The following PHLDB2 variants were observed in gnomAD, a reference collection of about 807,000 sequenced individuals.
The protein encoded by PHLDB2 is pleckstrin homology like domain family B member 2, also known as pleckstrin homology-like domain family B member 2.
A neutral mutation model predicts 123.6 loss-of-function variants in PHLDB2; 71 were observed. The ratio of observed to expected loss-of-function variants is 0.57; its 90% CI spans 0.47 to 0.70. The LOEUF is 0.70. Ranked by LOEUF, PHLDB2 falls within the 30% of genes least tolerant of loss-of-function variation. The pLI is 0.00. For synonymous variants in PHLDB2, 547 were observed against 541.6 expected (o/e 1.01, Z -0.14); for missense variants, 1,446 against 1,519.5 (o/e 0.95, Z 0.80).
In PHLDB2 at chr3:111,831,014, AAAG is replaced by A. The variant is rs564603688; in HGVS notation, c.-48-14804_-48-14802del. ...GAAAGAAAGAAAGAAAGAAAGAAAG[AAAG>A]AAAGAAAGAAAGAAAGGAAGGAAGG... On this transcript the variant is annotated intron_variant, in intron 1 of 17. Coordinates refer to the PHLDB2 transcript ENST00000393923. 3.0e-5 allele frequency among the ~76,000 whole-genome samples: 3 copies of A among 101,424 alleles called. 1 individual carries two copies. The highest frequency in any genetic ancestry group is 5.9e-5 in the Non-Finnish European group (3 of 50,442). 66.5% of individuals were successfully genotyped at this position (101,424 alleles called of 152,430 possible).
At chr3:111,892,166 C>T (rs775708735) in intron 2 of PHLDB2, among the ~76,000 whole-genome samples, 3 of 152,108 alleles carry the variant, frequency 2.0e-5, no homozygotes, top group African/African-American at 4.8e-5. Context: ...TACACACATA[C>T]GAATTTTTTC....
intron 1 of PHLDB2, among the ~76,000 whole-genome samples, chr3:111,811,338 A>C (rs545477264): frequency 6.6e-6 from 1 of 152,256 alleles, no homozygotes; most frequent in South Asian, 2.1e-4. Flanking sequence ...CATTTTAAAA[A>C]ATGTATTCTA....
At chr3:111,970,415 A>G (rs1559929234) in intron 16 of PHLDB2, among the ~76,000 whole-genome samples, 1 of 152,228 alleles carries the variant, frequency 6.6e-6, no homozygotes, top group Non-Finnish European at 1.5e-5. Context: ...ATTGATTGTC[A>G]TACGTCCCAT....
chr3:111,806,705 T>G (rs9880495), intron 1 of PHLDB2, among the ~76,000 whole-genome samples: 2 of 151,980 alleles, frequency 1.3e-5, no homozygotes, highest in Non-Finnish European at 2.9e-5. Flanking sequence ...AGGCTGGTCT[T>G]GAACTCCTGA....
At chr3:111,968,564 T>A (rs1323299533) in intron 15 of PHLDB2, among the ~76,000 whole-genome samples, 1 of 152,224 alleles carries the variant, frequency 6.6e-6, no homozygotes, top group African/African-American at 2.4e-5. Context: ...GAACTCTATT[T>A]TATCAAGATT....
rs1368088646 is a variant in PHLDB2, at chr3:111,904,276, T to TTAAAAAAAAAAA, written c.1336-9043_1336-9042insTAAAAAAAAAAA. Among the ~76,000 whole-genome samples the TTAAAAAAAAAAA allele has an allele frequency of 1.6e-3, 18 of 11,044 alleles. 1 individual carries two copies. The highest frequency in any genetic ancestry group is 2.7e-3 in the African/African-American group (16 of 5,998). The allele number at this position is 11,044 out of a possible 152,430, so 7.2% of individuals were successfully genotyped here. A position where few individuals can be genotyped will look rare whatever the true frequency, so the allele number is the denominator to read the frequency against. On this transcript the variant is annotated intron_variant, in intron 2 of 17. Transcript: ENST00000431670. ...CTGGGTGACAGAGTGAGACCCTGTC[T>TTAAAAAAAAAAA]CAAAAAAAAAAAAGGCCAAGGGTTC... is the stretch of plus-strand genomic sequence containing the variant.
intron 12 of PHLDB2, among the ~76,000 whole-genome samples, chr3:111,955,349 GT>G (rs1411242552): frequency 3.9e-5 from 6 of 151,908 alleles, no homozygotes; most frequent in Admixed American, 6.6e-5. Context: ...TTCTTTTGAT[GT>G]TTATAAATAA....
intron 15 of PHLDB2, among the ~76,000 whole-genome samples, chr3:111,968,701 A>G (rs2054410178): frequency 6.6e-6 from 1 of 152,222 alleles, no homozygotes; most frequent in South Asian, 2.1e-4. Flanking sequence ...AGCCTGCAGC[A>G]TCTGTTACAA....
chr3:111,866,013 C>CTTTTTTTTT (rs1239058039), intron 1 of PHLDB2, among the ~76,000 whole-genome samples: 2 of 47,668 alleles, frequency 4.2e-5, no homozygotes, highest in Non-Finnish European at 8.5e-5. Flanking sequence ...CCCACCCACT[C>CTTTTTTTTT]ATTTTTTTTT....
chr3:111,738,973 T>C (rs1040555516), intron 1 of PHLDB2, among the ~76,000 whole-genome samples: 4 of 152,158 alleles, frequency 2.6e-5, no homozygotes, highest in African/African-American at 9.7e-5. Context: ...ACAGGGCAAC[T>C]CTGGGCAAGT....
At chr3:111,908,839 G>A (rs978337525) in intron 2 of PHLDB2, among the ~76,000 whole-genome samples, 2 of 150,210 alleles carry the variant, frequency 1.3e-5, no homozygotes, top group Non-Finnish European at 3.0e-5. Flanking sequence ...ATCAGGATTT[G>A]TACATGGAAT....
In PHLDB2 at chr3:111,795,390, T is replaced by C. The variant is rs564741573; in HGVS notation, c.-48-50431T>C. ...GTCCAAGACCTATGGTCCATTTGAA[T>C]GCAGTTGCTTCTGTTCTCTCTGTGG... On this transcript the variant is annotated intron_variant, in intron 1 of 17. Coordinates refer to the PHLDB2 transcript ENST00000393923. 1.5e-4 allele frequency among the ~76,000 whole-genome samples: 23 copies of C among 152,294 alleles called. No homozygotes were observed. The Middle Eastern group carries it at 0.01, about 68-fold the overall frequency.
chr3:111,829,405 TAA>T lies in PHLDB2; in HGVS notation c.-48-16402_-48-16401del, dbSNP rs71131979. ...CTGGTTCTTCCATTATTCTTTTGTT[TAA>T]AAAAAAAAAAAAAGTCCTAACATCT... On this transcript the variant is annotated intron_variant, in intron 1 of 17. Transcript: ENST00000393923. 6.4e-3 allele frequency among the ~76,000 whole-genome samples: 867 copies of T among 136,326 alleles called. 4 individuals are homozygous for T. The highest frequency in any genetic ancestry group is 9.4e-3 in the Non-Finnish European group (604 of 64,422). 89.4% of individuals were successfully genotyped at this position (136,326 alleles called of 152,430 possible).
intron 1 of PHLDB2, among the ~76,000 whole-genome samples, chr3:111,873,273 T>G (rs2065433464): frequency 6.6e-6 from 1 of 152,210 alleles, no homozygotes; most frequent in Non-Finnish European, 1.5e-5. Context: ...AGTTTCTGGT[T>G]TTTAGAAAAA....
chr3:111,854,535 T>C (rs1233133481), upstream of PHLDB2, among the ~76,000 whole-genome samples: 1 of 152,202 alleles, frequency 6.6e-6, no homozygotes, highest in Non-Finnish European at 1.5e-5. Flanking sequence ...AAAGATTTGT[T>C]AGGCTATCAT....
At chr3:111,966,577 A>G in intron 13 of PHLDB2, 36 bp from the exon 14 acceptor site, 1 of 1,498,388 alleles carries the variant, frequency 6.7e-7, no homozygotes, top group African/African-American at 1.4e-5. Context: ...CTCAGTCTAA[A>G]CCAATATTCT....
chr3:111,780,413 A>AGG (rs2060421886), intron 1 of PHLDB2, among the ~76,000 whole-genome samples: 3 of 126,778 alleles, frequency 2.4e-5, no homozygotes, highest in African/African-American at 3.0e-5. Flanking sequence ...GAAGAAGAAA[A>AGG]AGATTAGTTC....
chr3:111,815,005 T>A (rs1343601495), intron 1 of PHLDB2, among the ~76,000 whole-genome samples: 2 of 152,140 alleles, frequency 1.3e-5, no homozygotes, highest in Non-Finnish European at 2.9e-5. Context: ...CTTGTGATAG[T>A]GAATGAGTCT....
At chr3:111,873,698 T>C (rs1559878996) in intron 1 of PHLDB2, among the ~76,000 whole-genome samples, 1 of 152,214 alleles carries the variant, frequency 6.6e-6, no homozygotes, top group Non-Finnish European at 1.5e-5. Flanking sequence ...CTCAACTTAG[T>C]TCTGTTTCCC....
Sources: allele counts gnomAD v4.1 joint callset (sites outside exome capture counted in the v4.1 genomes callset), GRCh38; gene constraint gnomAD v4.1.1; transcripts MANE v1.5; gene names NCBI Gene and HGNC (gene_info 2026-07-23, HGNC 2026-07-21).